CCDC30: variants seen among roughly 807,000 people sequenced by gnomAD.
The protein encoded by CCDC30 is coiled-coil domain-containing protein 30.
CCDC30 carries 70 observed loss-of-function variants against 100.2 expected under a neutral mutation model. That is an observed-to-expected ratio of 0.70 (90% CI 0.58 to 0.85). CCDC30 has a LOEUF of 0.85. Ranked by LOEUF, CCDC30 falls within the 40% of genes least tolerant of loss-of-function variation. CCDC30 has a pLI of 0.00. For synonymous variants in CCDC30, 233 were observed against 269.5 expected (o/e 0.86, Z 1.33); for missense variants, 652 against 771.2 (o/e 0.85, Z 1.83).
At chr1:42,459,348 G>A, upstream of CCDC30, 1 of 432,690 alleles carries the variant, frequency 2.3e-6, no homozygotes, top group Middle Eastern at 6.4e-4. Flanking sequence ...TTTTTTTGTA[G>A]AGACATGGTT....
chr1:42,531,187 C>T (rs1283716458), intron 6 of CCDC30, among the ~76,000 whole-genome samples: 2 of 152,094 alleles, frequency 1.3e-5, no homozygotes, highest in Non-Finnish European at 2.9e-5. Flanking sequence ...TGTAGCACCT[C>T]ACCCTCTCTC....
At chr1:42,502,260 C>T (rs147589707) in intron 6 of CCDC30, among the ~76,000 whole-genome samples, 5,450 of 152,242 alleles carry the variant, frequency 0.036, 341 homozygotes, top group African/African-American at 0.12. Flanking sequence ...CCGAGCCGGG[C>T]GTGGGACCCT....
At chr1:42,536,074 AT>A (rs1350407472) in intron 6 of CCDC30, among the ~76,000 whole-genome samples, 1 of 152,046 alleles carries the variant, frequency 6.6e-6, no homozygotes, top group Non-Finnish European at 1.5e-5. Context: ...GAAATAATGC[AT>A]CTAACATACT....
In CCDC30 at chr1:42,642,458, C is replaced by G; in HGVS notation, c.1420-15C>G. 6.7e-7 allele frequency: 1 copy of G among 1,494,442 alleles called. No individual in the cohort carries two copies. Among genetic ancestry groups the G allele is most frequent in the Non-Finnish European group, 8.9e-7 (1 of 1,120,870 alleles). The allele number at this position is 1,494,442 out of a possible 1,614,324, so 92.6% of individuals were successfully genotyped here. Reference sequence around the variant, plus strand: ...TTCTCCTGCTGTGGTAATTAGGAGACTTTCTAATCCCTAGGAGAAGGCAAT... The same window carrying G: ...TTCTCCTGCTGTGGTAATTAGGAGAGTTTCTAATCCCTAGGAGAAGGCAAT... On this transcript the variant is annotated splice_polypyrimidine_tract_variant and intron_variant, in intron 12 of 16. Transcript: ENST00000668663.
chr1:42,484,588 T>C (rs1644019836), intron 3 of CCDC30, among the ~76,000 whole-genome samples: 1 of 152,332 alleles, frequency 6.6e-6, no homozygotes, highest in Middle Eastern at 3.4e-3. Flanking sequence ...TAGCAAGTCC[T>C]TTTGGAATGT....
At chr1:42,532,920 C>T (rs1254040820) in intron 6 of CCDC30, among the ~76,000 whole-genome samples, 9 of 152,342 alleles carry the variant, frequency 5.9e-5, no homozygotes, top group Admixed American at 2.0e-4. Flanking sequence ...CGCCCGCCAC[C>T]GCGCCCGGCT....
intron 6 of CCDC30, 81 bp from the exon 8 acceptor site, chr1:42,539,092 T>G (rs1557835773): frequency 1.0e-5 from 12 of 1,174,912 alleles, no homozygotes; most frequent in Non-Finnish European, 1.4e-5. Context: ...CATTTCAAGA[T>G]TCATTCTTAA....
intron 6 of CCDC30, among the ~76,000 whole-genome samples, chr1:42,511,002 A>G (rs986758300): frequency 1.3e-5 from 2 of 152,012 alleles, no homozygotes; most frequent in African/African-American, 4.8e-5. Context: ...AGCACTACAG[A>G]GAGGTGCAAG....
At chr1:42,563,591 T>A (rs1020243154) in intron 6 of CCDC30, among the ~76,000 whole-genome samples, 1 of 152,088 alleles carries the variant, frequency 6.6e-6, no homozygotes, top group East Asian at 1.9e-4. Context: ...GAAATTTTTT[T>A]AAAAAGTGGC....
In CCDC30 at chr1:42,473,019, G is replaced by C. The variant is rs572997303; in HGVS notation, c.-91-7442G>C. The C allele has an allele frequency of 2.0e-4, 215 of 1,072,750 alleles. 2 individuals carry two copies. The highest frequency in any genetic ancestry group is 7.1e-4 in the Middle Eastern group (2 of 2,820). The allele number at this position is 1,072,750 out of a possible 1,614,324, so 66.5% of individuals were successfully genotyped here. A position where few individuals can be genotyped will look rare whatever the true frequency, so the allele number is the denominator to read the frequency against. ...TCTATTGCTAGTACCCTAAAGACTAGTACTCTAATAAGGAGACTAAGGTGG... is the reference window on the plus strand; with the variant it reads ...TCTATTGCTAGTACCCTAAAGACTACTACTCTAATAAGGAGACTAAGGTGG... On this transcript the variant is annotated intron_variant, in intron 1 of 16. Coordinates refer to ENST00000668663, the Ensembl canonical transcript of CCDC30.
At position 42,645,257 on chromosome 1, in the gene CCDC30, G is replaced by T. The variant is rs1557492265; in HGVS notation, c.1671+450G>T. On this transcript the variant is annotated intron_variant, in intron 14 of 16. Transcript: ENST00000668663. ...CTCAACAGCACTGTTTGCCATGTAT[G>T]ATTCTAGCCCCATCTAAAACATGAG... Among the ~76,000 whole-genome samples, 3 of 152,196 alleles carry T rather than the reference G, an allele frequency of 2.0e-5. No homozygotes were observed. The East Asian group carries it at 5.8e-4, about 29-fold the overall frequency.
In CCDC30 at chr1:42,642,524, G is replaced by GA. The variant is rs1184562488; in HGVS notation, c.1477dup (p.Arg493LysfsTer33). On this transcript the variant is annotated frameshift_variant, in exon 13 of 17. Coordinates refer to ENST00000668663, the Ensembl canonical transcript of CCDC30. LOFTEE classifies it high-confidence loss of function. ...TGCCCAAAATGATACCCTGCTTCTA[G>GA]AAAAAAGGAAACTTCAGGAGCAAGT... The GA allele has an allele frequency of 7.5e-6, 12 of 1,600,468 alleles. No homozygotes were observed. Among genetic ancestry groups the GA allele is most frequent in the Middle Eastern group, 1.7e-4 (1 of 6,046 alleles).
intron 6 of CCDC30, among the ~76,000 whole-genome samples, chr1:42,559,606 T>G (rs1166830708): frequency 6.6e-6 from 1 of 152,176 alleles, no homozygotes; most frequent in Non-Finnish European, 1.5e-5. Context: ...ATTCTAAATA[T>G]ATATTCAACC....
intron 12 of CCDC30, among the ~76,000 whole-genome samples, chr1:42,641,563 A>C (rs1198197138): frequency 6.7e-6 from 1 of 148,498 alleles, no homozygotes; most frequent in Non-Finnish European, 1.5e-5. Context: ...AAAACAAAAA[A>C]ACAAAAAAAA....
At chr1:42,513,595 G>T (rs1644512564) in intron 6 of CCDC30, among the ~76,000 whole-genome samples, 1 of 152,152 alleles carries the variant, frequency 6.6e-6, no homozygotes, top group African/African-American at 2.4e-5. Flanking sequence ...GTCTATGTCT[G>T]CAGCTCAATT....
chr1:42,576,893 G>A (rs1315566197), intron 7 of CCDC30, 127 bp from the exon 12 acceptor site: 1 of 658,598 alleles, frequency 1.5e-6, no homozygotes, highest in African/African-American at 1.8e-5. Flanking sequence ...CTCTAAAGAG[G>A]TACTCAGCCA....
chr1:42,639,864 G>A (rs1032108840), intron 12 of CCDC30, among the ~76,000 whole-genome samples: 4 of 151,970 alleles, frequency 2.6e-5, no homozygotes, highest in African/African-American at 9.7e-5. Context: ...TACTTGGGAG[G>A]CTGAGGCAGG....
chr1:42,516,551 G>A (rs140934943), intron 6 of CCDC30, among the ~76,000 whole-genome samples: 22 of 137,692 alleles, frequency 1.6e-4, no homozygotes, highest in African/African-American at 5.9e-4. Context: ...CAGCCTGGAC[G>A]AGAGAGCAAG....
chr1:42,500,207 A>T (rs1389044217), intron 6 of CCDC30: 4 of 1,560,528 alleles, frequency 2.6e-6, no homozygotes, highest in Non-Finnish European at 3.5e-6. Flanking sequence ...ACGCCTCATT[A>T]TGATTCGCCT....
Sources: allele counts gnomAD v4.1 joint callset (sites outside exome capture counted in the v4.1 genomes callset), GRCh38; gene constraint gnomAD v4.1.1; transcripts MANE v1.5; gene names NCBI Gene and HGNC (gene_info 2026-07-23, HGNC 2026-07-21).